The following MAML2 variants were observed in gnomAD, a reference collection of about 807,000 sequenced individuals.
MAML2 encodes the protein mastermind like transcriptional coactivator 2, also known as mastermind-like protein 2.
In MAML2, 22 loss-of-function variants were observed where a neutral mutation model predicts 96.1. The ratio of observed to expected loss-of-function variants is 0.23; its 90% confidence interval spans 0.16 to 0.33. The LOEUF is 0.33. Among genes scored for constraint, MAML2 ranks in the 10% least tolerant of loss-of-function variants. The probability of loss-of-function intolerance (pLI) is 1.00; values close to 1 mark genes in which losing one functional copy is unlikely to be tolerated. For missense variants in MAML2, 1,367 were observed against 1,392.4 expected (o/e 0.98, Z 0.29); for synonymous variants, 561 against 521.3 (o/e 1.08, Z -1.04).
intron 1 of MAML2, among the ~76,000 whole-genome samples, chr11:96,109,281 T>G (rs1393882646): frequency 6.6e-6 from 1 of 152,208 alleles, no homozygotes; most frequent in African/African-American, 2.4e-5. Context: ...AGAAGTCTGG[T>G]CTGGCTTTGA....
At chr11:96,311,312 G>C (rs138584701) in intron 1 of MAML2, among the ~76,000 whole-genome samples, 1 of 152,214 alleles carries the variant, frequency 6.6e-6, no homozygotes, top group Non-Finnish European at 1.5e-5. Flanking sequence ...AAGCTGGATA[G>C]TCACACTCAC....
chr11:96,051,330 A>G (rs1185954323), intron 2 of MAML2, among the ~76,000 whole-genome samples: 2 of 152,204 alleles, frequency 1.3e-5, no homozygotes, highest in Non-Finnish European at 2.9e-5. Context: ...AGTAATACTA[A>G]TATCCAATAT....
At chr11:96,183,564 G>GA (rs771969803) in intron 1 of MAML2, among the ~76,000 whole-genome samples, 1 of 141,330 alleles carries the variant, frequency 7.1e-6, no homozygotes. Flanking sequence ...CACCCAGCTA[G>GA]ATTTTTTTTT....
intron 1 of MAML2, among the ~76,000 whole-genome samples, chr11:96,333,372 A>C (rs1050713708): frequency 1.3e-5 from 2 of 152,146 alleles, no homozygotes; most frequent in African/African-American, 4.8e-5. Context: ...AAAAGATAAA[A>C]ATTTTTGACT....
intron 1 of MAML2, among the ~76,000 whole-genome samples, chr11:96,221,888 C>T (rs1555026163): frequency 1.3e-5 from 2 of 152,170 alleles, no homozygotes; most frequent in Non-Finnish European, 2.9e-5. Flanking sequence ...GTGGAGTTTC[C>T]AGAACTGCTT....
In MAML2 at chr11:95,977,119, T is replaced by C. The variant is rs1857662467; in HGVS notation, c.*1829A>G. 1 of 196,130 alleles carries C rather than the reference T, an allele frequency of 5.1e-6. No individual in the cohort carries two copies. Among genetic ancestry groups the C allele is most frequent in the African/African-American group, 2.3e-5 (1 of 43,180 alleles). The allele number at this position is 196,130 out of a possible 1,614,324, so 12.1% of individuals were successfully genotyped here. ...CACTCAACCACCTATGGTTTAAGTG[T>C]AGAGCTAAAAATAAACCATCATATT... On this transcript the variant is annotated 3_prime_UTR_variant, in exon 5 of 5. Transcript: ENST00000524717.
At chr11:96,008,322 T>C (rs1056098423) in intron 2 of MAML2, among the ~76,000 whole-genome samples, 2 of 152,292 alleles carry the variant, frequency 1.3e-5, no homozygotes, top group Middle Eastern at 3.4e-3. Context: ...TGGTAAACAT[T>C]TGTGGCTTAT....
Position 96,035,831 on chromosome 11 carries a change from T to C in MAML2, c.2140-44108A>G, listed in dbSNP as rs142413948. 1.5e-3 allele frequency among the ~76,000 whole-genome samples: 222 copies of C among 152,172 alleles called. 1 individual carries two copies. The highest frequency in any genetic ancestry group is 5.0e-3 in the African/African-American group (206 of 41,516). ...AGAGATGAAAGGAAGACAAACAAAT[T>C]CAAAATCAAAAGGCCTCCATTCGAG... On this transcript the variant is annotated intron_variant, in intron 2 of 4. Transcript: ENST00000524717.
chr11:96,037,051 G>A (rs1858725933), intron 2 of MAML2, among the ~76,000 whole-genome samples: 1 of 152,102 alleles, frequency 6.6e-6, no homozygotes, highest in East Asian at 1.9e-4. Context: ...CACTGCCGTC[G>A]GGAGCCAACG....
At chr11:96,125,915 T>G (rs184074607) in intron 1 of MAML2, among the ~76,000 whole-genome samples, 3 of 152,236 alleles carry the variant, frequency 2.0e-5, no homozygotes, top group Non-Finnish European at 4.4e-5. Context: ...TAGATTCTGG[T>G]TGTAATTGTG....
chr11:96,035,381 C>T (rs1481044206), intron 2 of MAML2, among the ~76,000 whole-genome samples: 2 of 152,184 alleles, frequency 1.3e-5, no homozygotes, highest in East Asian at 3.8e-4. Flanking sequence ...TCTCACAGCA[C>T]CTTCTTTTGG....
At chr11:96,100,213 G>A (rs1444323626) in intron 1 of MAML2, among the ~76,000 whole-genome samples, 1 of 152,086 alleles carries the variant, frequency 6.6e-6, no homozygotes, top group African/African-American at 2.4e-5. Flanking sequence ...TCAGTAACTC[G>A]TACTTTCACT....
chr11:96,296,934 A>C (rs1189904553), intron 1 of MAML2, among the ~76,000 whole-genome samples: 5 of 152,248 alleles, frequency 3.3e-5, no homozygotes, highest in Admixed American at 3.3e-4. Context: ...TCAGTCATTT[A>C]GTCTCCTGTA....
At chr11:96,213,740 C>G (rs1470085634) in intron 1 of MAML2, among the ~76,000 whole-genome samples, 3 of 152,216 alleles carry the variant, frequency 2.0e-5, no homozygotes, top group Non-Finnish European at 4.4e-5. Flanking sequence ...CATTAGTCAT[C>G]ACTTGGAGAA....
At chr11:96,053,165 A>G (rs1859013808) in intron 2 of MAML2, among the ~76,000 whole-genome samples, 1 of 152,234 alleles carries the variant, frequency 6.6e-6, no homozygotes, top group Non-Finnish European at 1.5e-5. Context: ...GAATACATTC[A>G]TGAGTTCATT....
intron 2 of MAML2, among the ~76,000 whole-genome samples, chr11:96,062,402 T>G (rs1859177596): frequency 1.3e-5 from 2 of 152,198 alleles, no homozygotes; most frequent in African/African-American, 4.8e-5. Flanking sequence ...GTATAGGAAG[T>G]GCTCTGCAAA....
intron 1 of MAML2, among the ~76,000 whole-genome samples, chr11:96,112,753 A>G (rs1939470): frequency 0.91 from 138,983 of 152,300 alleles, 63,509 homozygotes; most frequent in East Asian, 1. Context: ...AAGCCTATTA[A>G]TTTGAAAGAA....
chr11:96,065,139 T>A (rs1236859023), intron 2 of MAML2, among the ~76,000 whole-genome samples: 1 of 152,214 alleles, frequency 6.6e-6, no homozygotes, highest in Non-Finnish European at 1.5e-5. Context: ...TGGGAAATGT[T>A]CTGAATATAT....
At chr11:96,291,631 C>T (rs1863212227) in intron 1 of MAML2, among the ~76,000 whole-genome samples, 2 of 152,036 alleles carry the variant, frequency 1.3e-5, no homozygotes, top group Non-Finnish European at 2.9e-5. Context: ...TCTTCAGATC[C>T]TTTTTGGAAG....
Sources: allele counts gnomAD v4.1 joint callset (sites outside exome capture counted in the v4.1 genomes callset), GRCh38; gene constraint gnomAD v4.1.1; transcripts MANE v1.5; gene names NCBI Gene and HGNC (gene_info 2026-07-23, HGNC 2026-07-21).